Variants in PLCXD3 observed in about 807,000 individuals in gnomAD.
PLCXD3 encodes PI-PLC X domain-containing protein 3.
A neutral mutation model predicts 25.5 loss-of-function variants in PLCXD3; 19 were observed. The observed-to-expected ratio is 0.75, with a 90% CI of 0.52 to 1.09. PLCXD3 has a LOEUF of 1.09. Ranked by LOEUF, PLCXD3 falls within the 50% of genes least tolerant of loss-of-function variation. The probability of loss-of-function intolerance (pLI) is 0.00; values close to 1 mark genes in which losing one functional copy is unlikely to be tolerated. For synonymous variants in PLCXD3, 174 were observed against 137.6 expected (o/e 1.26, Z -1.85); for missense variants, 411 against 388.1 (o/e 1.06, Z -0.50).
chr5:41,323,808 G>A (rs1233001432), intron 2 of PLCXD3, among the ~76,000 whole-genome samples: 2 of 152,118 alleles, frequency 1.3e-5, no homozygotes, highest in Non-Finnish European at 2.9e-5. Context: ...GGAAGAAAGG[G>A]ACCATGAATT....
At chr5:41,470,050 C>CAGAG (rs1411103710) in intron 1 of PLCXD3, among the ~76,000 whole-genome samples, 1 of 152,156 alleles carries the variant, frequency 6.6e-6, no homozygotes, top group Non-Finnish European at 1.5e-5. Context: ...TCCAGACCAG[C>CAGAG]AGCTCTGTCC....
In PLCXD3 at chr5:41,382,319, C is replaced by T. The variant is rs113292807; in HGVS notation, c.319G>A (p.Asp107Asn). Residue 107 changes from aspartate (D) to asparagine (N), a missense_variant, in exon 2 of 3, where the codon GAC (aspartate) becomes AAC (asparagine). Physicochemically the swap from Asp to Asn is conservative, Grantham distance 23 (BLOSUM62 1). Coordinates refer to ENST00000377801, the MANE Select transcript of PLCXD3 (RefSeq NM_001005473.3). ...LRISTKPRDP[D>N]NELYFAHGLF... Reference sequence around the variant, plus strand: ...CCATGAGCAAAATAGAGTTCATTGTCGGGGTCTCTGGGCTTGGTGGAAATT... The same window carrying T: ...CCATGAGCAAAATAGAGTTCATTGTTGGGGTCTCTGGGCTTGGTGGAAATT... 28 of 1,613,404 alleles carry T rather than the reference C, an allele frequency of 1.7e-5. No homozygotes were observed. Among genetic ancestry groups the T allele is most frequent in the Admixed American group, 3.3e-5 (2 of 59,902 alleles).
intron 1 of PLCXD3, among the ~76,000 whole-genome samples, chr5:41,479,608 C>T (rs1225173036): frequency 1.1e-4 from 16 of 151,822 alleles, no homozygotes; most frequent in Admixed American, 1.1e-3. Flanking sequence ...ATACCAAAAG[C>T]GTCTTCAAAA....
chr5:41,483,929 A>T (rs915065348), intron 1 of PLCXD3, among the ~76,000 whole-genome samples: 5 of 152,100 alleles, frequency 3.3e-5, no homozygotes, highest in African/African-American at 1.2e-4. Flanking sequence ...AATTTTACTG[A>T]TCTTGGTATT....
intron 2 of PLCXD3, among the ~76,000 whole-genome samples, chr5:41,329,369 T>C (rs879264460): frequency 6.6e-6 from 1 of 152,210 alleles, no homozygotes; most frequent in Admixed American, 6.5e-5. Flanking sequence ...TTTCCTACTG[T>C]TGTAGCCTGG....
At chr5:41,423,163 A>T (rs183723267) in intron 1 of PLCXD3, among the ~76,000 whole-genome samples, 6 of 152,198 alleles carry the variant, frequency 3.9e-5, no homozygotes, top group African/African-American at 1.4e-4. Flanking sequence ...CAGAAGCCCT[A>T]TCTGACTTTG....
At chr5:41,459,073 T>C (rs1319514765) in intron 1 of PLCXD3, among the ~76,000 whole-genome samples, 1 of 151,930 alleles carries the variant, frequency 6.6e-6, no homozygotes, top group African/African-American at 2.4e-5. Context: ...AATATTTTCC[T>C]TCAATGCCAA....
At position 41,346,123 on chromosome 5, in the gene PLCXD3, C is replaced by T. The variant is rs1244933779; in HGVS notation, c.813-32353G>A. Among the ~76,000 whole-genome samples, 15 of 152,238 alleles carry T rather than the reference C, an allele frequency of 9.9e-5. No individual in the cohort carries two copies. The East Asian group carries it at 1.4e-3, about 14-fold the overall frequency. The stretch of plus-strand genomic sequence containing the variant: ...CTCGAACTCCTGACCTCAGGTGATC[C>T]GCCCGCCTCGGCCTCCCGAAGTGCT... On this transcript the variant is annotated intron_variant, in intron 2 of 2. Transcript: ENST00000377801.
At chr5:41,492,059 G>A (rs1333485534) in intron 1 of PLCXD3, among the ~76,000 whole-genome samples, 1 of 152,334 alleles carries the variant, frequency 6.6e-6, no homozygotes, top group Middle Eastern at 3.4e-3. Context: ...GCATGATTTT[G>A]CAGTGGCTGG....
chr5:41,438,436 A>G (rs1298244534), intron 1 of PLCXD3, among the ~76,000 whole-genome samples: 5 of 152,210 alleles, frequency 3.3e-5, no homozygotes, highest in Middle Eastern at 3.4e-3. Flanking sequence ...GTTCTCTCTG[A>G]ATAATGCCCA....
Position 41,457,110 on chromosome 5 carries a change from A to G in PLCXD3, c.103+53314T>C, listed in dbSNP as rs935580629. ...ATCTTGAAAATGTTTTTGCTACTTTATAAGTCTGAAAAATAATTCAAGCCA... is the reference window on the plus strand; with the variant it reads ...ATCTTGAAAATGTTTTTGCTACTTTGTAAGTCTGAAAAATAATTCAAGCCA... On this transcript the variant is annotated intron_variant, in intron 1 of 2. Coordinates refer to ENST00000377801, the MANE Select transcript of PLCXD3 (RefSeq NM_001005473.3). 3.3e-5 allele frequency among the ~76,000 whole-genome samples: 5 copies of G among 151,906 alleles called. 1 individual carries two copies. In the South Asian group the frequency reaches 1.0e-3, roughly 31 times the overall value.
chr5:41,501,383 T>A (rs770322558), intron 1 of PLCXD3, among the ~76,000 whole-genome samples: 1 of 152,092 alleles, frequency 6.6e-6, no homozygotes, highest in Non-Finnish European at 1.5e-5. Flanking sequence ...TCCTGTCATA[T>A]GCTACCACAT....
intron 1 of PLCXD3, among the ~76,000 whole-genome samples, chr5:41,395,432 A>G (rs552289793): frequency 2.6e-4 from 40 of 152,186 alleles, no homozygotes; most frequent in African/African-American, 8.7e-4. Flanking sequence ...ATGAAAAAAC[A>G]AAACCCATAA....
At chr5:41,325,745 A>T (rs1743607199) in intron 2 of PLCXD3, among the ~76,000 whole-genome samples, 1 of 152,212 alleles carries the variant, frequency 6.6e-6, no homozygotes, top group Non-Finnish European at 1.5e-5. Context: ...AACAATTTTT[A>T]TGGTATAAGA....
At chr5:41,323,781 C>T (rs1417420610) in intron 2 of PLCXD3, among the ~76,000 whole-genome samples, 1 of 152,092 alleles carries the variant, frequency 6.6e-6, no homozygotes, top group East Asian at 1.9e-4. Flanking sequence ...TGATATGAAA[C>T]TGGATGTAGA....
At chr5:41,391,054 G>A (rs1220863883) in intron 1 of PLCXD3, among the ~76,000 whole-genome samples, 2 of 152,140 alleles carry the variant, frequency 1.3e-5, no homozygotes, top group Admixed American at 1.3e-4. Flanking sequence ...AGATCCCAGT[G>A]GTCCAAACTT....
intron 2 of PLCXD3, among the ~76,000 whole-genome samples, chr5:41,374,839 G>T (rs900151519): frequency 2.0e-5 from 3 of 152,212 alleles, no homozygotes; most frequent in African/African-American, 7.2e-5. Flanking sequence ...CATGGCCTAG[G>T]GTGGAAGGGT....
chr5:41,418,022 A>C (rs1249649612), intron 1 of PLCXD3, among the ~76,000 whole-genome samples: 7 of 152,240 alleles, frequency 4.6e-5, no homozygotes, highest in Non-Finnish European at 1.0e-4. Context: ...CTGAAATCAA[A>C]TTCTATCAAA....
At chr5:41,423,917 C>T (rs1410285163) in intron 1 of PLCXD3, among the ~76,000 whole-genome samples, 1 of 152,104 alleles carries the variant, frequency 6.6e-6, no homozygotes, top group Non-Finnish European at 1.5e-5. Flanking sequence ...TTAAAATACC[C>T]ATCACCTCAC....
Sources: gnomAD v4.1 joint callset for allele counts (sites outside exome capture counted in the v4.1 genomes callset) on GRCh38, gnomAD v4.1.1 for gene constraint, MANE v1.5 for transcripts, NCBI Gene and HGNC (gene_info 2026-07-23, HGNC 2026-07-21) for gene names.